TRPM7: variants seen among roughly 807,000 people sequenced by gnomAD.
TRPM7 encodes LTRPC ion channel family member 7.
TRPM7 carries 134 observed loss-of-function variants against 229.7 expected under a neutral mutation model. The ratio of observed to expected loss-of-function variants is 0.58; its 90% confidence interval spans 0.51 to 0.67. TRPM7 has a LOEUF of 0.67. Among genes scored for constraint, TRPM7 ranks in the 30% least tolerant of loss-of-function variants. The probability of loss-of-function intolerance (pLI) is 0.00; values close to 1 mark genes in which losing one functional copy is unlikely to be tolerated. For missense variants in TRPM7, 1,901 were observed against 2,210.0 expected (o/e 0.86, Z 2.80); for synonymous variants, 699 against 715.2 (o/e 0.98, Z 0.36).
At chr15:50,619,514 T>C (rs1027073413) in intron 13 of TRPM7, among the ~76,000 whole-genome samples, 3 of 152,128 alleles carry the variant, frequency 2.0e-5, no homozygotes, top group Non-Finnish European at 4.4e-5. Flanking sequence ...GAGCCACCCA[T>C]GCCCAGCCTT....
intron 10 of TRPM7, 38 bp downstream of exon 10, chr15:50,631,378 TA>T: frequency 1.5e-6 from 2 of 1,317,646 alleles, no homozygotes; most frequent in Non-Finnish European, 2.2e-6. Flanking sequence ...ATACATAAAA[TA>T]AAAGGTCTTA....
chr15:50,683,710 ACT>A (rs1329408281), intron 1 of TRPM7, among the ~76,000 whole-genome samples: 2 of 151,996 alleles, frequency 1.3e-5, no homozygotes, highest in Non-Finnish European at 2.9e-5. Context: ...CAAGAGCAAG[ACT>A]CTGTTCCAAA....
rs571992470 is a variant in TRPM7, at chr15:50,605,606, G to A, written c.2710-462C>T. Among the ~76,000 whole-genome samples, 3 of 152,154 alleles carry A rather than the reference G, an allele frequency of 2.0e-5. No homozygotes were observed. In the South Asian group the frequency reaches 6.2e-4, roughly 32 times the overall value. ...GAATTTTAAGAATCATCTTTTGGGA[G>A]GAATGGTAACACATTCACAACTTCA... is the stretch of plus-strand genomic sequence containing the variant. On this transcript the variant is annotated intron_variant, in intron 20 of 38. Transcript: ENST00000646667.
chr15:50,633,081 T>A, intron 8 of TRPM7, 89 bp from the exon 9 acceptor site: 2 of 1,170,104 alleles, frequency 1.7e-6, no homozygotes, highest in Non-Finnish European at 2.3e-6. Context: ...TGTAAGACCT[T>A]TGAAAATAAT....
At chr15:50,633,078 C>T in intron 8 of TRPM7, 86 bp from the exon 9 acceptor site, 1 of 1,239,026 alleles carries the variant, frequency 8.1e-7, no homozygotes, top group Non-Finnish European at 1.1e-6. Flanking sequence ...CCATGTAAGA[C>T]CTTTGAAAAT....
At position 50,593,714 on chromosome 15, in the gene TRPM7, G is replaced by T. The variant is rs1447321138; in HGVS notation, c.3511C>A (p.His1171Asn). Residue 1171 changes from histidine to asparagine, a missense_variant, in exon 25 of 39, where the codon CAT becomes AAT. This residue lies in a region of TRPM7 where 533 missense variants were observed against 497.1 expected (regional missense o/e 1.07). Transcript: ENST00000646667. ...FLTEEDQKKL[H>N]DFEEQCVEMY... ...TCAACACACTGCTCTTCAAAATCAT[G>T]AAGTTTCTTTTGATCTTCTTCTGTT... 5 of 1,610,356 alleles carry T rather than the reference G, an allele frequency of 3.1e-6. No individual in the cohort carries two copies. Among genetic ancestry groups the T allele is most frequent in the Non-Finnish European group, 4.2e-6 (5 of 1,179,028 alleles).
In TRPM7 at chr15:50,675,212, G is replaced by A. The variant is rs1055911840; in HGVS notation, c.3+11319C>T. On this transcript the variant is annotated intron_variant, in intron 1 of 38. Transcript: ENST00000646667. ...ATAAAAATTAGCTGGGCATGGTGGCGGGCACCTGTAACCTCAGCTACTCAG... is the reference window on the plus strand; with the variant it reads ...ATAAAAATTAGCTGGGCATGGTGGCAGGCACCTGTAACCTCAGCTACTCAG... Among the ~76,000 whole-genome samples the A allele has an allele frequency of 3.9e-5, 6 of 152,034 alleles. No individual in the cohort carries two copies. The East Asian group carries it at 5.8e-4, about 15-fold the overall frequency.
Position 50,677,391 on chromosome 15 carries a change from A to C in TRPM7, c.3+9140T>G, listed in dbSNP as rs541695323. 8.4e-4 allele frequency among the ~76,000 whole-genome samples: 128 copies of C among 152,140 alleles called. 1 individual carries two copies. The highest frequency in any genetic ancestry group is 3.0e-3 in the African/African-American group (123 of 41,512). On this transcript the variant is annotated intron_variant, in intron 1 of 38. Transcript: ENST00000646667. ...GAATTCTCGGGGAGCGAGGGAGATC[A>C]CATTCAGTACATAACAACAACAACA...
At chr15:50,644,242 C>T (rs2061193205) in intron 4 of TRPM7, among the ~76,000 whole-genome samples, 1 of 151,942 alleles carries the variant, frequency 6.6e-6, no homozygotes, top group African/African-American at 2.4e-5. Flanking sequence ...AAAAAGCTAT[C>T]GTGTGTGAAA....
At chr15:50,675,704 A>G (rs1304131886) in intron 1 of TRPM7, among the ~76,000 whole-genome samples, 2 of 152,236 alleles carry the variant, frequency 1.3e-5, no homozygotes, top group Non-Finnish European at 2.9e-5. Flanking sequence ...TAATTTTGCT[A>G]GGTTGCACTA....
chr15:50,624,421 G>C, intron 11 of TRPM7, 121 bp from the exon 12 acceptor site: 1 of 847,156 alleles, frequency 1.2e-6, no homozygotes, highest in East Asian at 2.9e-5. Flanking sequence ...AACAAAATTA[G>C]AAAGATGCAA....
intron 5 of TRPM7, 66 bp from the exon 6 acceptor site, chr15:50,639,614 AAG>A: frequency 1.4e-5 from 20 of 1,481,116 alleles, no homozygotes; most frequent in Non-Finnish European, 1.7e-5. Flanking sequence ...TCACCCAGGA[AAG>A]AGAGCAGTGG....
chr15:50,603,139 A>C (rs1414584709), intron 21 of TRPM7, among the ~76,000 whole-genome samples: 1 of 152,162 alleles, frequency 6.6e-6, no homozygotes, highest in Non-Finnish European at 1.5e-5. Flanking sequence ...ACAGTACACC[A>C]GTTATTCTCA....
chr15:50,655,836 G>A (rs935549152), intron 3 of TRPM7, among the ~76,000 whole-genome samples: 2 of 151,410 alleles, frequency 1.3e-5, no homozygotes, highest in African/African-American at 2.4e-5. Context: ...CTAAAAGTAC[G>A]AAAATTAGCC....
At chr15:50,633,145 C>A (rs1034603535) in intron 8 of TRPM7, among the ~76,000 whole-genome samples, 153 bp from the exon 9 acceptor site, 6 of 152,166 alleles carry the variant, frequency 3.9e-5, no homozygotes, top group Non-Finnish European at 4.4e-5. Flanking sequence ...CTACATGAGA[C>A]TCCCAACACA....
At chr15:50,609,393 ATT>A (rs1228451146) in intron 19 of TRPM7, among the ~76,000 whole-genome samples, 186 bp downstream of exon 19, 1 of 152,180 alleles carries the variant, frequency 6.6e-6, no homozygotes, top group Admixed American at 6.5e-5. Context: ...TAGAACTAAA[ATT>A]TGTTAGTGTT....
At position 50,625,704 on chromosome 15, in the gene TRPM7, T is replaced by C. The variant is rs2060537873; in HGVS notation, c.1306-1404A>G. Among the ~76,000 whole-genome samples, 2 of 152,192 alleles carry C rather than the reference T, an allele frequency of 1.3e-5. 1 individual carries two copies. Among genetic ancestry groups the C allele is most frequent in the South Asian group, 4.1e-4 (2 of 4,828 alleles). On this transcript the variant is annotated intron_variant, in intron 11 of 38. Coordinates refer to ENST00000646667, the MANE Select transcript of TRPM7 (RefSeq NM_017672.6). ...GCATGAGCCACCACACCCAGTCCTATTTTAAGTATATACTGATGAAATGTA... is the reference window on the plus strand; with the variant it reads ...GCATGAGCCACCACACCCAGTCCTACTTTAAGTATATACTGATGAAATGTA...
chr15:50,608,510 G>A (rs1315140223), intron 19 of TRPM7, among the ~76,000 whole-genome samples: 1 of 152,154 alleles, frequency 6.6e-6, no homozygotes, highest in Non-Finnish European at 1.5e-5. Context: ...CTATTTTAAC[G>A]CAGCCATTCA....
intron 4 of TRPM7, among the ~76,000 whole-genome samples, chr15:50,645,055 C>A (rs562265471): frequency 2.0e-5 from 3 of 151,996 alleles, no homozygotes; most frequent in Admixed American, 1.3e-4. Context: ...ACACAGGGCA[C>A]CCTGCGTAGC....
Sources: allele counts gnomAD v4.1 joint callset (sites outside exome capture counted in the v4.1 genomes callset), GRCh38; gene constraint gnomAD v4.1.1; regional missense constraint gnomAD v4.1.1; transcripts MANE v1.5; gene names NCBI Gene and HGNC (gene_info 2026-07-23, HGNC 2026-07-21).